Variants in DNAH11 observed in about 807,000 individuals in gnomAD.
DNAH11 encodes dynein axonemal heavy chain 11.
A neutral mutation model predicts 526.0 loss-of-function variants in DNAH11; 442 were observed. The observed-to-expected ratio is 0.84, with a 90% CI of 0.78 to 0.91. DNAH11 has a LOEUF of 0.91. Among genes scored for constraint, DNAH11 ranks in the 40% least tolerant of loss-of-function variants. DNAH11 has a pLI of 0.00. For missense variants in DNAH11, 6,989 were observed against 5,448.7 expected (o/e 1.28, Z -8.90); for synonymous variants, 2,461 against 1,935.9 (o/e 1.27, Z -7.12).
In DNAH11 at chr7:21,807,997, A is replaced by G; in HGVS notation, c.10280A>G (p.Gln3427Arg). The G allele has an allele frequency of 1.9e-6, 3 of 1,589,354 alleles. No individual in the cohort carries two copies. The highest frequency in any genetic ancestry group is 2.6e-6 in the Non-Finnish European group (3 of 1,163,600). ...TCTTACGTCGGACCCTTCACAAGGCAGTATCGCCAGGAGCTGGTGCACTGC... is the reference window on the plus strand; with the variant it reads ...TCTTACGTCGGACCCTTCACAAGGCGGTATCGCCAGGAGCTGGTGCACTGC... Reference protein sequence around the residue: ...FVSYVGPFTRQYRQELVHCKW... With the variant: ...FVSYVGPFTRRYRQELVHCKW... Residue 3427 changes from glutamine to arginine, a missense_variant, in exon 63 of 82, where the codon CAG becomes CGG. Physicochemically the swap from Gln to Arg is conservative, Grantham distance 43. Transcript: ENST00000409508.
chr7:21,789,233 A>G lies in DNAH11; in HGVS notation c.9925-8A>G. The G allele has an allele frequency of 1.3e-6, 2 of 1,555,452 alleles. No individual in the cohort carries two copies. Among genetic ancestry groups the G allele is most frequent in the Admixed American group, 1.9e-5 (1 of 52,092 alleles). ...TCTTTGTATCTGTATTAATTCATGA[A>G]TTTTCAGGTCTACTGTGATGTGGAG... On this transcript the variant is annotated splice_polypyrimidine_tract_variant and splice_region_variant and intron_variant, in intron 60 of 81. Coordinates refer to ENST00000409508, the MANE Select transcript of DNAH11 (RefSeq NM_001277115.2).
At chr7:21,841,789 GATA>G (rs1351931593) in intron 65 of DNAH11, among the ~76,000 whole-genome samples, 1 of 152,144 alleles carries the variant, frequency 6.6e-6, no homozygotes, top group Non-Finnish European at 1.5e-5. Flanking sequence ...TAAATTAGAC[GATA>G]ATCATACAAA....
intron 54 of DNAH11, among the ~76,000 whole-genome samples, chr7:21,758,904 G>A (rs113602678): frequency 1.0e-3 from 155 of 152,284 alleles, no homozygotes; most frequent in African/African-American, 3.4e-3. Flanking sequence ...ATCCCATTGC[G>A]TCAGCAGAAA....
At chr7:21,836,977 C>T (rs2128012453) in intron 65 of DNAH11, among the ~76,000 whole-genome samples, 1 of 152,168 alleles carries the variant, frequency 6.6e-6, no homozygotes, top group East Asian at 1.9e-4. Flanking sequence ...AAATGACCAA[C>T]AGGTACATGA....
chr7:21,858,918 C>T (rs1017268931), intron 68 of DNAH11, among the ~76,000 whole-genome samples: 1 of 152,142 alleles, frequency 6.6e-6, no homozygotes, highest in Admixed American at 6.6e-5. Context: ...CAGGTTAGTA[C>T]AGATTGAGCC....
At position 21,665,049 on chromosome 7, in the gene DNAH11, G is replaced by C. The variant is rs1782372428; in HGVS notation, c.5328+6018G>C. ...CTCTGCTTTGAGGCTCATTCTTGTT[G>C]TCAGGAAGGGATCAGTCTCCTCTCT... On this transcript the variant is annotated intron_variant, in intron 30 of 81. Coordinates refer to ENST00000409508, the MANE Select transcript of DNAH11 (RefSeq NM_001277115.2). 2.0e-5 allele frequency among the ~76,000 whole-genome samples: 3 copies of C among 151,846 alleles called. No homozygotes were observed. The South Asian group carries it at 6.2e-4, about 32-fold the overall frequency.
intron 20 of DNAH11, among the ~76,000 whole-genome samples, chr7:21,611,573 A>C (rs988372149): frequency 5.3e-5 from 8 of 152,206 alleles, no homozygotes; most frequent in Non-Finnish European, 1.2e-4. Context: ...AAATTCACCA[A>C]ATCCCAACCA....
intron 71 of DNAH11, 118 bp from the exon 72 acceptor site, chr7:21,867,741 C>T: frequency 1.2e-6 from 1 of 835,420 alleles, no homozygotes; most frequent in Non-Finnish European, 1.9e-6. Context: ...ACAAGACATC[C>T]CATGTAATAA....
At chr7:21,614,976 A>C in intron 20 of DNAH11, 138 bp from the exon 21 acceptor site, 6 of 978,980 alleles carry the variant, frequency 6.1e-6, no homozygotes, top group Non-Finnish European at 7.2e-6. Flanking sequence ...ACATTTTGCC[A>C]GTAATTACGC....
intron 2 of DNAH11, among the ~76,000 whole-genome samples, chr7:21,557,297 T>C (rs541317977): frequency 1.3e-5 from 2 of 152,256 alleles, no homozygotes; most frequent in South Asian, 4.1e-4. Context: ...TTATCAGTGT[T>C]CTAATTTCTG....
chr7:21,852,368 C>G (rs186255053), intron 66 of DNAH11, 99 bp from the exon 67 acceptor site: 6 of 1,278,236 alleles, frequency 4.7e-6, no homozygotes, highest in African/African-American at 1.5e-5. Flanking sequence ...GATCATACCA[C>G]TGTACTCCAG....
At chr7:21,612,575 A>AAAAAAAAAG (rs1785576982) in intron 20 of DNAH11, among the ~76,000 whole-genome samples, 1 of 150,104 alleles carries the variant, frequency 6.7e-6, no homozygotes, top group African/African-American at 2.5e-5. Flanking sequence ...AAAAAAAAAA[A>AAAAAAAAAG]AGAGACTAAG....
At chr7:21,892,346 G>A in intron 76 of DNAH11, 79 bp from the exon 77 acceptor site, 1 of 1,533,778 alleles carries the variant, frequency 6.5e-7, no homozygotes, top group Non-Finnish European at 8.8e-7. Context: ...TCTTGTCAGG[G>A]TCTTCTCGAA....
At chr7:21,600,596 C>A (rs553493720) in intron 15 of DNAH11, 80 bp from the exon 16 acceptor site, 7 of 1,383,428 alleles carry the variant, frequency 5.1e-6, no homozygotes, top group African/African-American at 2.9e-5. Flanking sequence ...TGAAGAATTA[C>A]CTTGGTAATG....
intron 42 of DNAH11, among the ~76,000 whole-genome samples, chr7:21,712,721 G>A (rs79663946): frequency 0.068 from 10,298 of 152,066 alleles, 503 homozygotes; most frequent in Non-Finnish European, 0.098. Context: ...GTTTTTAATC[G>A]GTGCTTTTTA....
rs757609611 is a variant in DNAH11 at position 21,616,251 on chromosome 7, C to T, written c.4054C>T (p.His1352Tyr). ...GACTAAAACCCAGTGGAGACAGATT[C>T]ATGTGGAACAGATGGATGTAGAACT... ...NWTKTQWRQIHVEQMDVELRR... is the reference protein window; with the variant it reads ...NWTKTQWRQIYVEQMDVELRR... Residue 1352 changes from histidine to tyrosine, a missense_variant, in exon 22 of 82, where the codon CAT becomes TAT. His to Tyr is a moderately conservative substitution (Grantham distance 83). Coordinates refer to ENST00000409508, the MANE Select transcript of DNAH11 (RefSeq NM_001277115.2). 6 of 1,613,428 alleles carry T rather than the reference C, an allele frequency of 3.7e-6. No homozygotes were observed. Among genetic ancestry groups the T allele is most frequent in the Admixed American group, 3.3e-5 (2 of 59,948 alleles).
intron 30 of DNAH11, among the ~76,000 whole-genome samples, chr7:21,668,719 A>G (rs894603118): frequency 5.9e-5 from 9 of 152,140 alleles, no homozygotes; most frequent in Non-Finnish European, 1.2e-4. Flanking sequence ...GTGTACCACA[A>G]TTTTTCTACT....
Position 21,619,213 on chromosome 7 carries a change from G to A in DNAH11, c.4368G>A (p.Gly1456=). ...RIVDKAVKEL[G]TEKVITEISQ... is the part of the protein sequence containing the mutation. ...TGGACAAGGCGGTGAAAGAGCTGGG[G>A]ACTGAGAAGGTAGTGTCCTCGGGAC... Residue 1456 remains glycine (G), a synonymous_variant, in exon 24 of 82, where the codon GGG becomes GGA. Coordinates refer to ENST00000409508, the MANE Select transcript of DNAH11 (RefSeq NM_001277115.2). 1 of 1,612,958 alleles carries A rather than the reference G, an allele frequency of 6.2e-7. No homozygotes were observed. The highest frequency in any genetic ancestry group is 1.7e-4 in the Middle Eastern group (1 of 6,058).
At chr7:21,833,096 T>C (rs776629505) in intron 65 of DNAH11, among the ~76,000 whole-genome samples, 13 of 152,212 alleles carry the variant, frequency 8.5e-5, no homozygotes, top group Non-Finnish European at 1.8e-4. Flanking sequence ...AACTGTCCCA[T>C]TGAACAATAA....
Sources: gnomAD v4.1 joint callset for allele counts (sites outside exome capture counted in the v4.1 genomes callset) on GRCh38, gnomAD v4.1.1 for gene constraint, MANE v1.5 for transcripts, NCBI Gene and HGNC (gene_info 2026-07-23, HGNC 2026-07-21) for gene names.